Variants in TMEM132C observed in about 807,000 individuals in gnomAD.
The protein encoded by TMEM132C is transmembrane protein 132C, also known as protein phosphatase 1, regulatory subunit 152.
Under a neutral mutation model 61.4 loss-of-function variants are expected in TMEM132C, and 29 were observed. The ratio of observed to expected loss-of-function variants is 0.47; its 90% CI spans 0.35 to 0.64. The LOEUF is 0.64. Among genes scored for constraint, TMEM132C ranks in the 30% least tolerant of loss-of-function variants. The probability of loss-of-function intolerance (pLI) is 0.00; values close to 1 mark genes in which losing one functional copy is unlikely to be tolerated. For synonymous variants in TMEM132C, 656 were observed against 633.1 expected (o/e 1.04, Z -0.54); for missense variants, 1,408 against 1,476.9 (o/e 0.95, Z 0.76).
At chr12:128,323,172 G>A (rs1283415450) in intron 1 of TMEM132C, among the ~76,000 whole-genome samples, 1 of 152,192 alleles carries the variant, frequency 6.6e-6, no homozygotes, top group East Asian at 1.9e-4. Context: ...GAATTTATAT[G>A]CCAACTCCAG....
intron 2 of TMEM132C, among the ~76,000 whole-genome samples, chr12:128,437,314 A>G (rs188378354): frequency 9.8e-5 from 15 of 152,342 alleles, no homozygotes; most frequent in African/African-American, 3.6e-4. Flanking sequence ...TAAATAAACA[A>G]ACCACTGACT....
intron 1 of TMEM132C, among the ~76,000 whole-genome samples, chr12:128,349,609 T>C (rs1873276054): frequency 6.6e-6 from 1 of 152,204 alleles, no homozygotes; most frequent in Admixed American, 6.5e-5. Context: ...TGCCCCCAAA[T>C]TTATTCTTCT....
chr12:128,334,072 C>T (rs1418253524), intron 1 of TMEM132C, among the ~76,000 whole-genome samples: 1 of 152,080 alleles, frequency 6.6e-6, no homozygotes, highest in Non-Finnish European at 1.5e-5. Flanking sequence ...CGCGGATGCT[C>T]TCCCTTCTCT....
chr12:128,581,684 A>T (rs537795208), intron 3 of TMEM132C, among the ~76,000 whole-genome samples: 1 of 152,348 alleles, frequency 6.6e-6, no homozygotes, highest in African/African-American at 2.4e-5. Flanking sequence ...CTGACTTCTC[A>T]TCTTCTCTTT....
intron 4 of TMEM132C, among the ~76,000 whole-genome samples, chr12:128,640,596 A>G (rs551392214): frequency 6.6e-6 from 1 of 152,352 alleles, no homozygotes; most frequent in East Asian, 1.9e-4. Context: ...CCATTGAATT[A>G]TATATTTTAA....
intron 1 of TMEM132C, among the ~76,000 whole-genome samples, chr12:128,405,198 C>G (rs1244298548): frequency 6.6e-6 from 1 of 152,140 alleles, no homozygotes. Context: ...CATGGCAGCC[C>G]TGGAATTGTT....
intron 2 of TMEM132C, among the ~76,000 whole-genome samples, chr12:128,524,480 ATTAC>A (rs1873019037): frequency 6.6e-6 from 1 of 152,060 alleles, no homozygotes; most frequent in Non-Finnish European, 1.5e-5. Context: ...GGCCCTGGGT[ATTAC>A]TTCTTTCTCC....
rs1044019794 is a variant in TMEM132C at position 128,326,341 on chromosome 12, A to G, written c.85+58854A>G. Among the ~76,000 whole-genome samples, 8 of 152,136 alleles carry G rather than the reference A, an allele frequency of 5.3e-5. No individual in the cohort carries two copies. The highest frequency in any genetic ancestry group is 8.8e-5 in the Non-Finnish European group (6 of 68,034). ...CTGGATATGAGAGTGTTGTTTTCCA[A>G]GTGTAGCAGGGTTTCACTTTTCGAG... is the stretch of plus-strand genomic sequence containing the variant. On this transcript the variant is annotated intron_variant, in intron 1 of 8. Transcript: ENST00000435159. The surrounding 1 kb of genome is among the most constrained non-coding windows in gnomAD (Gnocchi z 5.6).
At chr12:128,584,402 C>G (rs1444041062) in intron 3 of TMEM132C, among the ~76,000 whole-genome samples, 1 of 152,196 alleles carries the variant, frequency 6.6e-6, no homozygotes, top group Non-Finnish European at 1.5e-5. Flanking sequence ...TCTCATCCTT[C>G]TTGAACCATA....
intron 1 of TMEM132C, among the ~76,000 whole-genome samples, chr12:128,312,380 A>C (rs1872001405): frequency 6.6e-6 from 1 of 152,082 alleles, no homozygotes; most frequent in African/African-American, 2.4e-5. Context: ...CAATTGGTTC[A>C]CTGCAGCCCC....
intron 2 of TMEM132C, among the ~76,000 whole-genome samples, chr12:128,422,360 GC>G (rs1431621200): frequency 1.3e-5 from 2 of 152,200 alleles, no homozygotes; most frequent in Non-Finnish European, 2.9e-5. Flanking sequence ...TGAAGAACTT[GC>G]GGGTAGGGGG....
intron 3 of TMEM132C, among the ~76,000 whole-genome samples, chr12:128,558,327 G>C (rs751673979): frequency 6.6e-6 from 1 of 152,156 alleles, no homozygotes; most frequent in East Asian, 1.9e-4. Context: ...TCATGGGAGG[G>C]ACCCGGTGGG....
chr12:128,296,482 G>A (rs1353832809), intron 1 of TMEM132C, among the ~76,000 whole-genome samples: 1 of 152,180 alleles, frequency 6.6e-6, no homozygotes. Context: ...ATATGTTTAT[G>A]GCTAGAAGGA....
intron 5 of TMEM132C, among the ~76,000 whole-genome samples, chr12:128,673,848 A>G (rs1278601851): frequency 2.0e-5 from 3 of 152,250 alleles, no homozygotes; most frequent in Non-Finnish European, 4.4e-5. Context: ...GCAACAGAGA[A>G]CATGACCTAG....
At chr12:128,555,793 C>T (rs1874313348) in intron 3 of TMEM132C, among the ~76,000 whole-genome samples, 2 of 151,914 alleles carry the variant, frequency 1.3e-5, no homozygotes, top group Non-Finnish European at 1.5e-5. Context: ...TGGCTCACTG[C>T]AGCCTCGACC....
At chr12:128,565,875 GAAAAAAA>G (rs768067209) in intron 3 of TMEM132C, among the ~76,000 whole-genome samples, 3 of 131,344 alleles carry the variant, frequency 2.3e-5, no homozygotes, top group Non-Finnish European at 3.3e-5. Flanking sequence ...CTAAATAGGT[GAAAAAAA>G]AAAAAAGAAA....
chr12:128,447,705 CTTTTTTTTTTTTTTTTTTTT>C (rs767506039), intron 2 of TMEM132C, among the ~76,000 whole-genome samples: 5 of 58,620 alleles, frequency 8.5e-5, no homozygotes, highest in African/African-American at 2.5e-4. Flanking sequence ...ATTTCAAGTG[CTTTTTTTTTTTTTTTTTTTT>C]TTTTTTTTTT....
At chr12:128,553,602 C>T (rs973638860) in intron 3 of TMEM132C, among the ~76,000 whole-genome samples, 17 of 152,146 alleles carry the variant, frequency 1.1e-4, no homozygotes, top group East Asian at 1.9e-4. Context: ...CCCCCTATCG[C>T]GGGGCACCTG....
At chr12:128,470,626 A>G (rs1177222285) in intron 2 of TMEM132C, among the ~76,000 whole-genome samples, 2 of 152,216 alleles carry the variant, frequency 1.3e-5, no homozygotes, top group Non-Finnish European at 2.9e-5. Flanking sequence ...CCATTGATAC[A>G]TGAACTACAC....
Sources: gnomAD v4.1 joint callset for allele counts (sites outside exome capture counted in the v4.1 genomes callset) on GRCh38, gnomAD v4.1.1 for gene constraint, Gnocchi (gnomAD v3.1) non-coding constraint, MANE v1.5 for transcripts, NCBI Gene and HGNC (gene_info 2026-07-23, HGNC 2026-07-21) for gene names.